The following FAM163B variants were observed in gnomAD, a reference collection of about 807,000 sequenced individuals.
FAM163B encodes family with sequence similarity 163 member B, also known as protein FAM163B.
FAM163B carries 4 observed loss-of-function variants against 7.6 expected under a neutral mutation model. That is an observed-to-expected ratio of 0.52 (90% CI 0.26 to 1.20). The LOEUF (loss-of-function observed/expected upper bound fraction) is 1.20. Ranked by LOEUF, FAM163B falls within the 50% of genes most tolerant of loss-of-function variation. FAM163B has a pLI of 0.14. For synonymous variants in FAM163B, 120 were observed against 111.6 expected (o/e 1.07, Z -0.47); for missense variants, 250 against 243.0 (o/e 1.03, Z -0.19).
intron 1 of FAM163B, among the ~76,000 whole-genome samples, chr9:133,589,136 C>T (rs28477937): frequency 0.31 from 47,388 of 151,974 alleles, 7,473 homozygotes; most frequent in East Asian, 0.42. Context: ...GGCTCCTGCC[C>T]GTGCCATCCT....
chr9:133,592,867 T>C (rs566924354), intron 1 of FAM163B, among the ~76,000 whole-genome samples: 1 of 152,106 alleles, frequency 6.6e-6, no homozygotes, highest in East Asian at 1.9e-4. Flanking sequence ...GACCCCGGGC[T>C]GCACACTCGA....
chr9:133,599,013 C>G (rs1831672230), intron 1 of FAM163B, among the ~76,000 whole-genome samples: 1 of 152,160 alleles, frequency 6.6e-6, no homozygotes, highest in African/African-American at 2.4e-5. Flanking sequence ...ACCCCCTCCC[C>G]CAGGGGCCCT....
rs1170157016 is a variant in FAM163B at position 133,577,956 on chromosome 9, C to G, written c.*1066G>C. ...TGCTTGGGGTCCACCAGGAGCTGGG[C>G]CAGGCCTCCTAGGTCCTGCTGAGAA... is the stretch of plus-strand genomic sequence containing the variant. On this transcript the variant is annotated 3_prime_UTR_variant, in exon 3 of 3. Coordinates refer to ENST00000673969, the MANE Select transcript of FAM163B (RefSeq NM_001080515.3). Among the ~76,000 whole-genome samples, 1 of 152,102 alleles carries G rather than the reference C, an allele frequency of 6.6e-6. No individual in the cohort carries two copies. The highest frequency in any genetic ancestry group is 1.5e-5 in the Non-Finnish European group (1 of 67,992).
At chr9:133,582,444 G>T (rs376293371) in intron 1 of FAM163B, among the ~76,000 whole-genome samples, 2 of 152,224 alleles carry the variant, frequency 1.3e-5, no homozygotes, top group African/African-American at 4.8e-5. Flanking sequence ...GTAAGATGAG[G>T]GATCTGGGTC....
At chr9:133,582,795 G>A (rs567538892) in intron 1 of FAM163B, among the ~76,000 whole-genome samples, 4 of 152,210 alleles carry the variant, frequency 2.6e-5, no homozygotes, top group Non-Finnish European at 5.9e-5. Context: ...GGTCCCTGCT[G>A]GTCGCTTGAC....
At chr9:133,579,459 C>A in intron 2 of FAM163B, 30 bp from the exon 3 acceptor site, 1 of 1,535,962 alleles carries the variant, frequency 6.5e-7, no homozygotes. Context: ...GACCATGCGG[C>A]CGCCCGCTCC....
At chr9:133,608,340 G>A (rs1831814098) in intron 1 of FAM163B, among the ~76,000 whole-genome samples, 1 of 152,248 alleles carries the variant, frequency 6.6e-6, no homozygotes, top group African/African-American at 2.4e-5. Context: ...GACAGGACAC[G>A]AGTGGGGTGA....
chr9:133,588,641 GCA>G (rs1831484544), intron 1 of FAM163B, among the ~76,000 whole-genome samples: 15 of 151,082 alleles, frequency 9.9e-5, no homozygotes, highest in East Asian at 1.9e-4. Context: ...GAGGGATCTA[GCA>G]GGTTGAAGGA....
chr9:133,591,924 G>A (rs961714631), intron 1 of FAM163B, among the ~76,000 whole-genome samples: 8 of 152,148 alleles, frequency 5.3e-5, no homozygotes, highest in Non-Finnish European at 7.4e-5. Flanking sequence ...TGGCACCCCC[G>A]CTGTCCTCTC....
chr9:133,583,964 A>G (rs1168353135), intron 1 of FAM163B, among the ~76,000 whole-genome samples: 2 of 152,066 alleles, frequency 1.3e-5, no homozygotes, highest in Non-Finnish European at 2.9e-5. Flanking sequence ...CACTCCGAGC[A>G]GCTCCCAAAA....
chr9:133,579,521 T>C (rs1831321476), intron 2 of FAM163B, 92 bp from the exon 3 acceptor site: 2 of 1,454,464 alleles, frequency 1.4e-6, no homozygotes, highest in African/African-American at 1.4e-5. Context: ...GGAGGGGAGA[T>C]AGGCACGGTG....
chr9:133,584,555 G>A (rs1409208447), intron 1 of FAM163B, among the ~76,000 whole-genome samples: 5 of 152,250 alleles, frequency 3.3e-5, no homozygotes, highest in African/African-American at 1.2e-4. Context: ...CCCTCCAAGG[G>A]TAGGCAGAGA....
chr9:133,591,027 G>T (rs1400287113), intron 1 of FAM163B, among the ~76,000 whole-genome samples: 1 of 152,206 alleles, frequency 6.6e-6, no homozygotes, highest in Admixed American at 6.5e-5. Context: ...CAGCAGGCAG[G>T]CAGGCTCTGG....
At chr9:133,584,639 G>A (rs1459705905) in intron 1 of FAM163B, among the ~76,000 whole-genome samples, 1 of 152,254 alleles carries the variant, frequency 6.6e-6, no homozygotes, top group African/African-American at 2.4e-5. Context: ...TGAGAGAACA[G>A]GGGAGGACTT....
At chr9:133,580,424 C>T (rs915999283) in intron 1 of FAM163B, among the ~76,000 whole-genome samples, 178 bp from the exon 2 acceptor site, 57 of 152,346 alleles carry the variant, frequency 3.7e-4, no homozygotes, top group African/African-American at 1.3e-3. Context: ...CCTGCTCTGC[C>T]TCAGCTGGCC....
intron 1 of FAM163B, among the ~76,000 whole-genome samples, chr9:133,590,415 C>G (rs1404320683): frequency 6.6e-6 from 1 of 152,050 alleles, no homozygotes; most frequent in Non-Finnish European, 1.5e-5. Flanking sequence ...AACTTAGTCC[C>G]GTGCTGGGCT....
intron 1 of FAM163B, among the ~76,000 whole-genome samples, chr9:133,582,561 C>T (rs1242353270): frequency 6.6e-6 from 1 of 152,234 alleles, no homozygotes; most frequent in African/African-American, 2.4e-5. Context: ...AATGCCACAG[C>T]TCCTTTGGGG....
chr9:133,598,095 C>G (rs1316552146), intron 1 of FAM163B, among the ~76,000 whole-genome samples: 1 of 151,964 alleles, frequency 6.6e-6, no homozygotes, highest in African/African-American at 2.4e-5. Flanking sequence ...CAGTCTGGGG[C>G]TCCCTGCTCA....
In FAM163B at chr9:133,599,965, ATGTG is replaced by A. The variant is rs371071842; in HGVS notation, c.-24+9108_-24+9111del. Among the ~76,000 whole-genome samples, 165 of 93,376 alleles carry A rather than the reference ATGTG, an allele frequency of 1.8e-3. 2 individuals are homozygous for A. Among genetic ancestry groups the A allele is most frequent in the African/African-American group, 6.1e-3 (149 of 24,412 alleles). 61.3% of individuals were successfully genotyped at this position (93,376 alleles called of 152,430 possible). ...TGTGCATATGTGTGTGCGTGTGTGCATGTGTGTGTGTCTGTGTGCATATGCGAAT... is the reference window on the plus strand; with the variant it reads ...TGTGCATATGTGTGTGCGTGTGTGCATGTGTGTCTGTGTGCATATGCGAAT... On this transcript the variant is annotated intron_variant, in intron 1 of 2. Transcript: ENST00000673969.
Sources: gnomAD v4.1 joint callset for allele counts (sites outside exome capture counted in the v4.1 genomes callset) on GRCh38, gnomAD v4.1.1 for gene constraint, MANE v1.5 for transcripts, NCBI Gene and HGNC (gene_info 2026-07-23, HGNC 2026-07-21) for gene names.